The following VCAM1 variants were observed in gnomAD, a reference collection of about 807,000 sequenced individuals.
VCAM1 encodes the protein vascular cell adhesion protein 1.
VCAM1 carries 41 observed loss-of-function variants against 63.8 expected under a neutral mutation model. The observed-to-expected ratio is 0.64, with a 90% confidence interval of 0.50 to 0.83. The LOEUF (loss-of-function observed/expected upper bound fraction) is 0.83. VCAM1 is among the 40% of genes least tolerant of loss of function. The pLI, the probability that VCAM1 is intolerant of heterozygous loss-of-function variation, is 0.00. For synonymous variants in VCAM1, 338 were observed against 320.7 expected (o/e 1.05, Z -0.58); for missense variants, 798 against 875.5 (o/e 0.91, Z 1.12).
chr1:100,736,552 G>A (rs1230050654), intron 8 of VCAM1: 1 of 151,948 alleles, frequency 6.6e-6, no homozygotes, highest in African/African-American at 2.4e-5. Context: ...AATGCCTGTG[G>A]GGAAGACTGA....
chr1:100,736,331 AATG>A (rs1296731497), intron 8 of VCAM1: 1 of 152,224 alleles, frequency 6.6e-6, no homozygotes, highest in Non-Finnish European at 1.5e-5. Context: ...AAGACCAAAA[AATG>A]GATATTTTTC....
chr1:100,733,149 C>T (rs1054232050), intron 7 of VCAM1, among the ~76,000 whole-genome samples: 3 of 152,200 alleles, frequency 2.0e-5, no homozygotes, highest in Non-Finnish European at 4.4e-5. Flanking sequence ...GTAGCCATGA[C>T]TCCGTCCTTT....
chr1:100,722,597 T>G (rs1293821110), intron 2 of VCAM1, among the ~76,000 whole-genome samples: 1 of 152,026 alleles, frequency 6.6e-6, no homozygotes, highest in Non-Finnish European at 1.5e-5. Context: ...TTACTAGGTG[T>G]GTGACCTTAG....
Position 100,731,524 on chromosome 1 carries a change from T to G in VCAM1, c.1525+6T>G, listed in dbSNP as rs201731845. 2 of 1,609,004 alleles carry G rather than the reference T, an allele frequency of 1.2e-6. No individual in the cohort carries two copies. Among genetic ancestry groups the G allele is most frequent in the African/African-American group, 2.7e-5 (2 of 74,788 alleles). On this transcript the variant is annotated splice_donor_region_variant and intron_variant, in intron 6 of 8. Transcript: ENST00000294728. The surrounding 1 kb of genome is among the most constrained non-coding windows in gnomAD (Gnocchi z 4.2). ...GCAAACACTTTATGTCAATGGTAAGTACATATGTGAGGTATCTACAGTTTA... is the reference window on the plus strand; with the variant it reads ...GCAAACACTTTATGTCAATGGTAAGGACATATGTGAGGTATCTACAGTTTA...
Position 100,729,264 on chromosome 1 carries a change from G to C in VCAM1, c.1086G>C (p.Glu362Asp), listed in dbSNP as rs538348728. 1.2e-6 allele frequency: 2 copies of C among 1,613,476 alleles called. No homozygotes were observed. The highest frequency in any genetic ancestry group is 1.7e-6 in the Non-Finnish European group (2 of 1,179,726). Residue 362 changes from glutamate to aspartate, a missense_variant, in exon 5 of 9, where the codon GAG (glutamate) becomes GAC (aspartate). Physicochemically the swap from Glu to Asp is conservative, Grantham distance 45 (BLOSUM62 2). Coordinates refer to ENST00000294728, the MANE Select transcript of VCAM1 (RefSeq NM_001078.4). ...DSPLSGKVRSEGTNSTLTLSP... is the reference protein window; with the variant it reads ...DSPLSGKVRSDGTNSTLTLSP... ...CTCTGAGCGGGAAGGTGAGGAGTGA[G>C]GGGACCAATTCCACGCTGACCCTGA...
At chr1:100,720,116 T>C (rs1384500150) in intron 1 of VCAM1, among the ~76,000 whole-genome samples, 192 bp downstream of exon 1, 2 of 152,144 alleles carry the variant, frequency 1.3e-5, no homozygotes, top group Non-Finnish European at 2.9e-5. Context: ...TAGTTAGAGC[T>C]GAAAATTGAT....
At chr1:100,730,255 A>C (rs1043825234) in intron 5 of VCAM1, among the ~76,000 whole-genome samples, 3 of 152,134 alleles carry the variant, frequency 2.0e-5, no homozygotes, top group African/African-American at 7.2e-5. Flanking sequence ...TCTCCAAAGA[A>C]AGATAAATTT....
Position 100,729,173 on chromosome 1 carries a change from T to A in VCAM1, c.995T>A (p.Met332Lys), listed in dbSNP as rs764595241. ...GCTGCTCAGATTGGAGACTCAGTCA[T>A]GTTGACATGTAGTGTCATGGGCTGT... Reference protein sequence around the residue: ...RIAAQIGDSVMLTCSVMGCES... With the variant: ...RIAAQIGDSVKLTCSVMGCES... The change falls in exon 5 of 9, where the codon ATG becomes AAG. Residue 332 changes from methionine (M) to lysine (K), a missense_variant. Physicochemically the swap from Met to Lys is moderately conservative, Grantham distance 95. Transcript: ENST00000294728. 4.3e-6 allele frequency: 7 copies of A among 1,613,112 alleles called. No individual in the cohort carries two copies. Among genetic ancestry groups the A allele is most frequent in the Non-Finnish European group, 5.1e-6 (6 of 1,179,476 alleles).
At chr1:100,726,988 C>T (rs1023356812) in intron 4 of VCAM1, among the ~76,000 whole-genome samples, 1 of 151,314 alleles carries the variant, frequency 6.6e-6, no homozygotes, top group Non-Finnish European at 1.5e-5. Flanking sequence ...ATAGTGAGAC[C>T]TCCTGTTTCT....
intron 5 of VCAM1, among the ~76,000 whole-genome samples, chr1:100,730,496 G>A (rs577647001): frequency 6.6e-6 from 1 of 152,170 alleles, no homozygotes; most frequent in East Asian, 1.9e-4. Context: ...ATACAGTTAA[G>A]GCAGTTCTTG....
At chr1:100,736,519 C>T (rs1022206600) in intron 8 of VCAM1, 4 of 152,042 alleles carry the variant, frequency 2.6e-5, no homozygotes, top group Non-Finnish European at 5.9e-5. Flanking sequence ...ACTACCTTGG[C>T]AGCAAATTTG....
In VCAM1 at chr1:100,729,184, A is replaced by C. The variant is rs1660306708; in HGVS notation, c.1006A>C (p.Ser336Arg). The C allele has an allele frequency of 6.2e-7, 1 of 1,613,380 alleles. No individual in the cohort carries two copies. The highest frequency in any genetic ancestry group is 1.3e-5 in the African/African-American group (1 of 74,882). The change falls in exon 5 of 9, where the codon AGT becomes CGT. Residue 336 changes from serine to arginine, a missense_variant. By Grantham distance (110) the Ser-to-Arg change is moderately radical (BLOSUM62 -1). Coordinates refer to ENST00000294728, the MANE Select transcript of VCAM1 (RefSeq NM_001078.4). ...TGGAGACTCAGTCATGTTGACATGT[A>C]GTGTCATGGGCTGTGAATCCCCATC... is the stretch of plus-strand genomic sequence containing the variant. ...QIGDSVMLTC[S>R]VMGCESPSFS... is the part of the protein sequence containing the mutation.
Position 100,731,426 on chromosome 1 carries a change from G to A in VCAM1, c.1433G>A (p.Gly478Glu). ...MTFIPTIEDT[G>E]KALVCQAKLH... is the part of the protein sequence containing the mutation. ...TTCATCCCTACCATTGAAGATACTGGAAAAGCTCTTGTTTGTCAGGCTAAG... is the reference window on the plus strand; with the variant it reads ...TTCATCCCTACCATTGAAGATACTGAAAAAGCTCTTGTTTGTCAGGCTAAG... The change falls in exon 6 of 9, where the codon GGA (glycine) becomes GAA (glutamate). Residue 478 changes from glycine (G) to glutamate (E), a missense_variant. Physicochemically the swap from Gly to Glu is moderately conservative, Grantham distance 98. Transcript: ENST00000294728. This position sits in a 1 kb window ranked among gnomAD's most constrained non-coding sequence, Gnocchi z 4.2. The A allele has an allele frequency of 6.2e-7, 1 of 1,613,784 alleles. No individual in the cohort carries two copies. The highest frequency in any genetic ancestry group is 1.1e-5 in the South Asian group (1 of 91,082).
chr1:100,728,774 T>G (rs1328719959), intron 4 of VCAM1, among the ~76,000 whole-genome samples: 1 of 151,214 alleles, frequency 6.6e-6, no homozygotes, highest in Non-Finnish European at 1.5e-5. Flanking sequence ...AAGAACCACT[T>G]AAATTATTTG....
At chr1:100,735,977 A>G (rs1242476731) in intron 8 of VCAM1, 1 of 152,230 alleles carries the variant, frequency 6.6e-6, no homozygotes, top group Non-Finnish European at 1.5e-5. Context: ...TTGCAATCTC[A>G]GTTATGAGTA....
intron 8 of VCAM1, 62 bp downstream of exon 8, chr1:100,734,830 G>A: frequency 1.3e-6 from 2 of 1,557,958 alleles, no homozygotes; most frequent in East Asian, 2.3e-5. Flanking sequence ...GGATTACTAA[G>A]AGTTTCCAAT....
chr1:100,737,020 A>C (rs1015342596), intron 8 of VCAM1: 1 of 152,202 alleles, frequency 6.6e-6, no homozygotes, highest in Non-Finnish European at 1.5e-5. Context: ...ATGACACACT[A>C]TCTTCTTCAG....
intron 7 of VCAM1, among the ~76,000 whole-genome samples, 181 bp from the exon 8 acceptor site, chr1:100,734,321 T>TA: frequency 6.6e-6 from 1 of 152,322 alleles, no homozygotes. Context: ...CTCTCTTAGT[T>TA]AAAACATGAT....
In VCAM1 at chr1:100,724,840, G is replaced by A. The variant is rs933126183; in HGVS notation, c.878G>A (p.Gly293Glu). 1 of 1,612,872 alleles carries A rather than the reference G, an allele frequency of 6.2e-7. No individual in the cohort carries two copies. Among genetic ancestry groups the A allele is most frequent in the Non-Finnish European group, 8.5e-7 (1 of 1,179,300 alleles). ...MEDSGIYVCE[G>E]VNLIGKNRKE... Reference sequence around the variant, plus strand: ...GATTCTGGAATTTATGTGTGTGAAGGAGTTAATTTGATTGGGAAAAACAGA... The same window carrying A: ...GATTCTGGAATTTATGTGTGTGAAGAAGTTAATTTGATTGGGAAAAACAGA... Residue 293 changes from glycine to glutamate, a missense_variant, in exon 4 of 9, where the codon GGA becomes GAA. Coordinates refer to ENST00000294728, the MANE Select transcript of VCAM1 (RefSeq NM_001078.4).
Sources: allele counts gnomAD v4.1 joint callset (sites outside exome capture counted in the v4.1 genomes callset), GRCh38; gene constraint gnomAD v4.1.1; non-coding constraint Gnocchi (gnomAD v3.1); transcripts MANE v1.5; gene names NCBI Gene and HGNC (gene_info 2026-07-23, HGNC 2026-07-21).